ELMO1: variants seen among roughly 807,000 people sequenced by gnomAD.
The protein encoded by ELMO1 is engulfment and cell motility protein 1.
A neutral mutation model predicts 98.9 loss-of-function variants in ELMO1; 26 were observed. The ratio of observed to expected loss-of-function variants is 0.26; its 90% CI spans 0.19 to 0.36. The LOEUF is 0.36. ELMO1 is among the 10% of genes least tolerant of loss of function. The probability of loss-of-function intolerance (pLI) is 1.00; values close to 1 mark genes in which losing one functional copy is unlikely to be tolerated. For missense variants in ELMO1, 627 were observed against 935.2 expected (o/e 0.67, Z 4.30); for synonymous variants, 346 against 346.0 (o/e 1.00, Z 0.00).
intron 8 of ELMO1, among the ~76,000 whole-genome samples, chr7:37,232,851 T>G (rs1794252784): frequency 6.6e-6 from 1 of 152,192 alleles, no homozygotes; most frequent in South Asian, 2.1e-4. Context: ...TTATTAACAG[T>G]GTGACACACT....
At chr7:36,991,701 C>T (rs1047838451) in intron 16 of ELMO1, among the ~76,000 whole-genome samples, 113 of 152,226 alleles carry the variant, frequency 7.4e-4, no homozygotes, top group African/African-American at 2.4e-3. Flanking sequence ...ATGTGCAAAC[C>T]CTGTCACACT....
intron 16 of ELMO1, among the ~76,000 whole-genome samples, chr7:36,924,736 C>T (rs575103025): frequency 3.9e-5 from 6 of 151,908 alleles, no homozygotes; most frequent in Non-Finnish European, 5.9e-5. Flanking sequence ...CATCAGAGAA[C>T]GGAGGGGAAC....
At chr7:37,007,992 A>C (rs929638005) in intron 16 of ELMO1, among the ~76,000 whole-genome samples, 1 of 152,200 alleles carries the variant, frequency 6.6e-6, no homozygotes, top group Non-Finnish European at 1.5e-5. Context: ...CAAGCCTGAG[A>C]TTCTAAGCTC....
chr7:37,097,022 C>T (rs1477425), intron 14 of ELMO1, among the ~76,000 whole-genome samples: 32,097 of 152,122 alleles, frequency 0.21, 6,084 homozygotes, highest in African/African-American at 0.51. Flanking sequence ...AAGACTTTTT[C>T]ACTTCAGTGA....
intron 13 of ELMO1, among the ~76,000 whole-genome samples, chr7:37,195,936 A>G (rs1196288749): frequency 2.0e-5 from 3 of 152,236 alleles, no homozygotes; most frequent in Non-Finnish European, 4.4e-5. Context: ...GGAGAGAACC[A>G]AATTCAAATC....
intron 11 of ELMO1, among the ~76,000 whole-genome samples, 160 bp downstream of exon 11, chr7:37,216,485 C>G (rs967923637): frequency 6.6e-6 from 1 of 152,146 alleles, no homozygotes; most frequent in Non-Finnish European, 1.5e-5. Context: ...TTTATTTATT[C>G]CAATTCCAAA....
intron 16 of ELMO1, among the ~76,000 whole-genome samples, chr7:37,010,521 G>A (rs559782262): frequency 2.6e-4 from 40 of 152,344 alleles, no homozygotes; most frequent in African/African-American, 7.2e-4. Flanking sequence ...TGATGGGATG[G>A]CATCTGAGAA....
intron 15 of ELMO1, among the ~76,000 whole-genome samples, chr7:37,034,500 A>C (rs1474577374): frequency 6.6e-6 from 1 of 152,180 alleles, no homozygotes; most frequent in Non-Finnish European, 1.5e-5. Flanking sequence ...ACAGTCAAAA[A>C]TCTATGTGTA....
intron 16 of ELMO1, among the ~76,000 whole-genome samples, chr7:37,006,860 C>G (rs1007759357): frequency 2.6e-5 from 4 of 152,226 alleles, no homozygotes; most frequent in Admixed American, 2.6e-4. Flanking sequence ...TGAACATACA[C>G]TTATTGAAAA....
intron 13 of ELMO1, among the ~76,000 whole-genome samples, chr7:37,166,786 G>A (rs1025851974): frequency 6.6e-6 from 1 of 152,114 alleles, no homozygotes; most frequent in African/African-American, 2.4e-5. Flanking sequence ...AATAGGTGTG[G>A]TGTGGTGCTG....
At chr7:37,033,143 A>G (rs1015429127) in intron 15 of ELMO1, among the ~76,000 whole-genome samples, 5 of 152,152 alleles carry the variant, frequency 3.3e-5, no homozygotes, top group African/African-American at 1.2e-4. Context: ...CCTGGAAGCC[A>G]TTGAAATGCA....
chr7:37,157,263 G>T (rs1788843481), intron 13 of ELMO1, among the ~76,000 whole-genome samples: 1 of 152,162 alleles, frequency 6.6e-6, no homozygotes, highest in East Asian at 1.9e-4. Context: ...CACAAGAAAA[G>T]GATGCCCTCT....
intron 15 of ELMO1, among the ~76,000 whole-genome samples, chr7:37,072,128 A>AAG (rs1797309137): frequency 2.0e-5 from 3 of 152,216 alleles, no homozygotes; most frequent in Non-Finnish European, 4.4e-5. Context: ...CAATTCAAAA[A>AAG]ACAAAGAGTG....
chr7:36,967,144 G>A (rs889306565), intron 16 of ELMO1, among the ~76,000 whole-genome samples: 2 of 152,246 alleles, frequency 1.3e-5, no homozygotes, highest in South Asian at 2.1e-4. Context: ...GTTTACAAGA[G>A]CTTCTCTCTT....
intron 4 of ELMO1, among the ~76,000 whole-genome samples, chr7:37,301,128 T>A (rs1798319552): frequency 6.6e-6 from 1 of 152,116 alleles, no homozygotes; most frequent in Non-Finnish European, 1.5e-5. Context: ...CCTTTATCAT[T>A]TTTTGTTGTA....
intron 15 of ELMO1, among the ~76,000 whole-genome samples, chr7:37,086,759 A>AAAAAAAAAAAAAAAAAAAAAAG (rs1783807973): frequency 7.8e-6 from 1 of 127,892 alleles, no homozygotes; most frequent in Non-Finnish European, 1.7e-5. Context: ...AAAAAAAAAA[A>AAAAAAAAAAAAAAAAAAAAAAG]AAAAAAGAAA....
chr7:36,915,888 C>T (rs780841444), intron 16 of ELMO1, among the ~76,000 whole-genome samples: 89 of 152,088 alleles, frequency 5.9e-4, no homozygotes, highest in Non-Finnish European at 1.1e-3. Flanking sequence ...GAACTTCCTT[C>T]CCCAAACAGC....
intron 13 of ELMO1, among the ~76,000 whole-genome samples, chr7:37,204,985 C>A (rs1381967281): frequency 6.6e-6 from 1 of 152,184 alleles, no homozygotes; most frequent in Non-Finnish European, 1.5e-5. Flanking sequence ...ATTTACAAAC[C>A]TTTAGCTAGA....
At chr7:37,363,575 T>C (rs966015821) in intron 1 of ELMO1, among the ~76,000 whole-genome samples, 1 of 152,126 alleles carries the variant, frequency 6.6e-6, no homozygotes, top group Non-Finnish European at 1.5e-5. Flanking sequence ...TGCCCAAACA[T>C]GCCAAGCTCC....
Sources: allele counts gnomAD v4.1 joint callset (sites outside exome capture counted in the v4.1 genomes callset), GRCh38; gene constraint gnomAD v4.1.1; transcripts MANE v1.5; gene names NCBI Gene and HGNC (gene_info 2026-07-23, HGNC 2026-07-21).